TSGA10: variants seen among roughly 807,000 people sequenced by gnomAD.
TSGA10 encodes testis-specific gene 10 protein.
A neutral mutation model predicts 96.6 loss-of-function variants in TSGA10; 43 were observed. The observed-to-expected ratio is 0.44, with a 90% CI of 0.35 to 0.57. TSGA10 has a LOEUF of 0.57. Among genes scored for constraint, TSGA10 ranks in the 20% least tolerant of loss-of-function variants. TSGA10 has a pLI of 0.01. For synonymous variants in TSGA10, 229 were observed against 269.9 expected (o/e 0.85, Z 1.48); for missense variants, 703 against 834.4 (o/e 0.84, Z 1.94).
At position 98,997,283 on chromosome 2, in the gene TSGA10, T is replaced by C. The variant is rs552514604; in HGVS notation, c.*914A>G. On this transcript the variant is annotated 3_prime_UTR_variant, in exon 21 of 21. Coordinates refer to ENST00000393483, the MANE Select transcript of TSGA10 (RefSeq NM_025244.4). ...GAATACTATTAATGACAAGCCTTTTTTTATTAAAATGGCAAGAATACAAAT... is the reference window on the plus strand; with the variant it reads ...GAATACTATTAATGACAAGCCTTTTCTTATTAAAATGGCAAGAATACAAAT... The C allele has an allele frequency of 1.3e-5, 2 of 152,226 alleles. No homozygotes were observed. The highest frequency in any genetic ancestry group is 2.9e-5 in the Non-Finnish European group (2 of 67,950). 9.4% of individuals were successfully genotyped at this position (152,226 alleles called of 1,614,324 possible).
At chr2:99,065,820 A>G (rs535607692) in intron 15 of TSGA10, among the ~76,000 whole-genome samples, 1 of 152,340 alleles carries the variant, frequency 6.6e-6, no homozygotes, top group African/African-American at 2.4e-5. Context: ...TAAGAACCAG[A>G]TTTTTTGAAC....
chr2:99,112,732 C>T (rs891447427), intron 4 of TSGA10, among the ~76,000 whole-genome samples: 26 of 151,428 alleles, frequency 1.7e-4, no homozygotes, highest in African/African-American at 5.8e-4. Flanking sequence ...GGGAAAGGAA[C>T]AGCAAAGTGC....
intron 16 of TSGA10, among the ~76,000 whole-genome samples, chr2:99,037,042 A>T (rs565648057): frequency 1.3e-5 from 2 of 152,334 alleles, no homozygotes; most frequent in East Asian, 3.9e-4. Flanking sequence ...ACTATTATAG[A>T]TTATTATTGG....
chr2:99,087,135 C>T (rs2088589984), intron 10 of TSGA10, among the ~76,000 whole-genome samples: 2 of 151,836 alleles, frequency 1.3e-5, no homozygotes, highest in Admixed American at 1.3e-4. Flanking sequence ...ACCCGGGAGG[C>T]AGAGCTTGCA....
intron 1 of TSGA10, among the ~76,000 whole-genome samples, chr2:99,148,911 A>AT (rs1236835991): frequency 6.6e-6 from 1 of 152,230 alleles, no homozygotes; most frequent in African/African-American, 2.4e-5. Context: ...ATGTCATTGA[A>AT]TTGTACACTT....
At chr2:99,134,836 C>T (rs1031821313) in intron 1 of TSGA10, among the ~76,000 whole-genome samples, 1 of 152,198 alleles carries the variant, frequency 6.6e-6, no homozygotes, top group Non-Finnish European at 1.5e-5. Flanking sequence ...TTCTAACAGT[C>T]AGGCCCCTCT....
chr2:99,146,660 G>A (rs1172948302), intron 1 of TSGA10, among the ~76,000 whole-genome samples: 3 of 151,962 alleles, frequency 2.0e-5, no homozygotes, highest in Non-Finnish European at 4.4e-5. Flanking sequence ...ACGGAGTCTT[G>A]CTCTGTCGCC....
intron 1 of TSGA10, chr2:99,141,142 CCG>C (rs1317847315): frequency 7.9e-7 from 1 of 1,272,896 alleles, no homozygotes; most frequent in Non-Finnish European, 1.0e-6. Flanking sequence ...GAGCTCATCC[CCG>C]CGACTGTCAG....
chr2:99,121,107 A>G (rs2092547555), intron 2 of TSGA10, among the ~76,000 whole-genome samples: 1 of 152,224 alleles, frequency 6.6e-6, no homozygotes, highest in African/African-American at 2.4e-5. Context: ...GGAATATAAC[A>G]AAGCCGCTAT....
chr2:99,107,363 A>AT (rs2091443779), intron 7 of TSGA10, among the ~76,000 whole-genome samples: 1 of 152,204 alleles, frequency 6.6e-6, no homozygotes, highest in East Asian at 1.9e-4. Flanking sequence ...ATAAGAAGAC[A>AT]GTATAGAAAG....
intron 14 of TSGA10, among the ~76,000 whole-genome samples, chr2:99,069,636 A>AATAAATAAATAC (rs1277711896): frequency 1.8e-5 from 1 of 55,436 alleles, no homozygotes; most frequent in African/African-American, 2.4e-4. Context: ...CCAACTCTAC[A>AATAAATAAATAC]ATAAATAAAT....
intron 7 of TSGA10, among the ~76,000 whole-genome samples, chr2:99,108,038 T>C (rs1019522541): frequency 2.6e-5 from 4 of 152,184 alleles, no homozygotes; most frequent in African/African-American, 9.6e-5. Context: ...TTCAGGGTAA[T>C]AGAAACTCCA....
chr2:99,080,482 G>A (rs755887821), intron 11 of TSGA10, among the ~76,000 whole-genome samples: 12 of 152,022 alleles, frequency 7.9e-5, no homozygotes, highest in Non-Finnish European at 1.3e-4. Flanking sequence ...ATATGCTGAT[G>A]TGTCCCAAAT....
At chr2:99,091,181 A>G (rs2089276025) in intron 10 of TSGA10, among the ~76,000 whole-genome samples, 2 of 152,234 alleles carry the variant, frequency 1.3e-5, no homozygotes, top group Non-Finnish European at 2.9e-5. Context: ...ACTAAGCTTC[A>G]TACATGAAGG....
intron 10 of TSGA10, among the ~76,000 whole-genome samples, chr2:99,091,469 G>T (rs2056990733): frequency 6.6e-6 from 1 of 152,104 alleles, no homozygotes; most frequent in African/African-American, 2.4e-5. Context: ...TAGAAACATT[G>T]AATGTAAATG....
intron 20 of TSGA10, among the ~76,000 whole-genome samples, chr2:99,002,007 T>A (rs1234193589): frequency 6.6e-6 from 1 of 152,214 alleles, no homozygotes; most frequent in Non-Finnish European, 1.5e-5. Flanking sequence ...TATCTACATC[T>A]GATTGGTGTA....
chr2:99,073,025 C>A lies in TSGA10; in HGVS notation c.931G>T (p.Ala311Ser). The change falls in exon 13 of 21, where the codon GCA becomes TCA. Residue 311 changes from alanine (A) to serine (S), a missense_variant. Physicochemically the swap from Ala to Ser is moderately conservative, Grantham distance 99. Transcript: ENST00000393483. ...MKNIIAEMEQ[A>S]SRQCTEALIV... ...GTTGCACGACTGATTTACCTTGATG[C>A]CTGTTCCATCTCAGCAATGATATTC... 6.2e-7 allele frequency: 1 copy of A among 1,608,564 alleles called. No individual in the cohort carries two copies. The highest frequency in any genetic ancestry group is 8.5e-7 in the Non-Finnish European group (1 of 1,176,276).
intron 16 of TSGA10, among the ~76,000 whole-genome samples, chr2:99,039,308 C>CAA (rs559487331): frequency 0.032 from 3,944 of 123,204 alleles, 84 homozygotes; most frequent in African/African-American, 0.071. Context: ...TGGAAACAAC[C>CAA]AAAAAAAAAA....
chr2:99,082,209 T>C (rs563304021), intron 10 of TSGA10, among the ~76,000 whole-genome samples: 1 of 152,378 alleles, frequency 6.6e-6, no homozygotes, highest in East Asian at 1.9e-4. Context: ...CTTGAGTCTG[T>C]GTCCAGCATA....
Sources: allele counts gnomAD v4.1 joint callset (sites outside exome capture counted in the v4.1 genomes callset), GRCh38; gene constraint gnomAD v4.1.1; transcripts MANE v1.5; gene names NCBI Gene and HGNC (gene_info 2026-07-23, HGNC 2026-07-21).